CCDC149: variants seen among roughly 807,000 people sequenced by gnomAD.
CCDC149 encodes the protein coiled-coil domain-containing protein 149.
CCDC149 carries 45 observed loss-of-function variants against 59.9 expected under a neutral mutation model. The ratio of observed to expected loss-of-function variants is 0.75; its 90% CI spans 0.59 to 0.96. CCDC149 has a LOEUF of 0.96. Among genes scored for constraint, CCDC149 ranks in the 40% least tolerant of loss-of-function variants. The pLI is 0.00. For synonymous variants in CCDC149, 245 were observed against 260.6 expected, an observed-to-expected ratio of 0.94 and a Z score of 0.58; for missense variants, 584 against 664.7, an observed-to-expected ratio of 0.88 and a Z score of 1.33.
At chr4:24,820,944 A>C (rs1200739277) in intron 11 of CCDC149, 111 bp downstream of exon 11, 1 of 519,542 alleles carries the variant, frequency 1.9e-6, no homozygotes, top group Non-Finnish European at 3.0e-6. Context: ...TATTCTAATC[A>C]GAGAAGTTCA....
At chr4:24,915,462 A>C (rs1399909549), upstream of CCDC149, among the ~76,000 whole-genome samples, 1 of 152,242 alleles carries the variant, frequency 6.6e-6, no homozygotes, top group Non-Finnish European at 1.5e-5. Context: ...TATTTCAGGC[A>C]GCAGGACAGA....
intron 3 of CCDC149, among the ~76,000 whole-genome samples, chr4:24,872,648 C>T (rs1027918255): frequency 7.3e-5 from 11 of 151,098 alleles, no homozygotes; most frequent in African/African-American, 2.7e-4. Context: ...ATGGTATGCA[C>T]CCACAGAATG....
chr4:24,825,691 T>C (rs570495445), intron 9 of CCDC149, among the ~76,000 whole-genome samples: 1 of 150,752 alleles, frequency 6.6e-6, no homozygotes, highest in African/African-American at 2.4e-5. Context: ...GAGAATGGCG[T>C]GAACCCAGGA....
rs972210850 is a variant in CCDC149 at position 24,831,703 on chromosome 4, A to C, written c.821-53T>G. 14 of 1,504,440 alleles carry C rather than the reference A, an allele frequency of 9.3e-6. No individual in the cohort carries two copies. The East Asian group carries it at 3.2e-4, about 34-fold the overall frequency. The allele number at this position is 1,504,440 out of a possible 1,614,324, so 93.2% of individuals were successfully genotyped here. On this transcript the variant is annotated intron_variant, in intron 8 of 12. Coordinates refer to ENST00000635206, the MANE Select transcript of CCDC149 (RefSeq NM_001330643.2). ...AGTCGTCATTCTTCTGAAACGCTGG[A>C]ATGCAAACCAATGTCAATCCTTCTT...
chr4:24,926,999 G>T (rs561723585), intron 1 of CCDC149, among the ~76,000 whole-genome samples: 1 of 152,284 alleles, frequency 6.6e-6, no homozygotes, highest in African/African-American at 2.4e-5. Context: ...AAGTGGCATT[G>T]CCCTTAAGAC....
chr4:24,966,288 T>C (rs542239353), intron 1 of CCDC149, among the ~76,000 whole-genome samples: 1 of 152,172 alleles, frequency 6.6e-6, no homozygotes, highest in African/African-American at 2.4e-5. Flanking sequence ...GTGCAAGTCA[T>C]CCAGGAAATG....
intron 9 of CCDC149, among the ~76,000 whole-genome samples, chr4:24,826,512 G>C (rs935627972): frequency 6.6e-6 from 1 of 152,156 alleles, no homozygotes; most frequent in Non-Finnish European, 1.5e-5. Context: ...ACGGATGCAG[G>C]AAGAAAGGCA....
chr4:24,942,028 G>T (rs368041418), intron 1 of CCDC149, among the ~76,000 whole-genome samples: 2 of 152,120 alleles, frequency 1.3e-5, no homozygotes, highest in African/African-American at 4.8e-5. Flanking sequence ...AAGAGGGAAT[G>T]CTCCCTAACT....
At chr4:24,877,255 G>A (rs748488883) in intron 1 of CCDC149, among the ~76,000 whole-genome samples, 8 of 151,870 alleles carry the variant, frequency 5.3e-5, no homozygotes, top group African/African-American at 9.7e-5. Context: ...ATGTGATCTC[G>A]GCTTACTGCA....
chr4:24,918,965 T>C (rs1337183809), intron 1 of CCDC149, among the ~76,000 whole-genome samples: 1 of 152,200 alleles, frequency 6.6e-6, no homozygotes, highest in African/African-American at 2.4e-5. Flanking sequence ...CAAGTAAACA[T>C]GATTTCTAGA....
rs187875849 is a variant in CCDC149, at chr4:24,815,231, G to A, written c.1192+4628C>T. 5.9e-3 allele frequency among the ~76,000 whole-genome samples: 900 copies of A among 152,250 alleles called. 3 individuals carry two copies. The highest frequency in any genetic ancestry group is 8.2e-3 in the Non-Finnish European group (558 of 68,008). ...GGTATTCATTTAAGGTTGTATTCAG[G>A]TTGCTACTCTAAAAGTTCTTAAAAT... On this transcript the variant is annotated intron_variant, in intron 12 of 12. Transcript: ENST00000635206.
At chr4:24,940,492 G>A (rs1201731288) in intron 1 of CCDC149, among the ~76,000 whole-genome samples, 2 of 152,088 alleles carry the variant, frequency 1.3e-5, no homozygotes, top group Non-Finnish European at 2.9e-5. Context: ...ATCAACTAAC[G>A]AGCAAAATAA....
At chr4:24,958,252 A>T (rs937293242) in intron 1 of CCDC149, among the ~76,000 whole-genome samples, 8 of 152,340 alleles carry the variant, frequency 5.3e-5, no homozygotes, top group African/African-American at 1.9e-4. Flanking sequence ...AACTAGCCAC[A>T]TTGAAGCAAA....
rs998536095 is a variant in CCDC149, at chr4:24,873,623, T to C, written c.264+58A>G. On this transcript the variant is annotated intron_variant, in intron 3 of 12. Coordinates refer to ENST00000635206, the MANE Select transcript of CCDC149 (RefSeq NM_001330643.2). ...TTCTCTACATTTTGAGATTCCCTGATCCTCCCAATTGCTGCTAGGTATCAA... is the reference window on the plus strand; with the variant it reads ...TTCTCTACATTTTGAGATTCCCTGACCCTCCCAATTGCTGCTAGGTATCAA... The C allele has an allele frequency of 1.5e-4, 161 of 1,107,412 alleles. No individual in the cohort carries two copies. Among genetic ancestry groups the C allele is most frequent in the Middle Eastern group, 8.4e-4 (4 of 4,778 alleles). The allele number at this position is 1,107,412 out of a possible 1,614,324, so 68.6% of individuals were successfully genotyped here. A position where few individuals can be genotyped will look rare whatever the true frequency, so the allele number is the denominator to read the frequency against.
Position 24,853,082 on chromosome 4 carries a change from C to T in CCDC149, c.362G>A (p.Gly121Asp). 6.2e-7 allele frequency: 1 copy of T among 1,609,746 alleles called. No homozygotes were observed. Among genetic ancestry groups the T allele is most frequent in the Non-Finnish European group, 8.5e-7 (1 of 1,176,044 alleles). The change falls in exon 4 of 13, where the codon GGC (glycine) becomes GAC (aspartate). Residue 121 changes from glycine (G) to aspartate (D), a missense_variant. By Grantham distance (94) the Gly-to-Asp change is moderately conservative. Transcript: ENST00000635206. ...AAATACTCACAGTACCTTGTTGTCG[C>T]CCTGGACTTCTCCAAGCCTTTGCTG...
chr4:24,869,792 G>A (rs911675365), intron 3 of CCDC149, among the ~76,000 whole-genome samples: 3 of 152,292 alleles, frequency 2.0e-5, no homozygotes, highest in South Asian at 2.1e-4. Flanking sequence ...TGAGAACATT[G>A]AGACTCAAGA....
intron 12 of CCDC149, among the ~76,000 whole-genome samples, chr4:24,817,086 C>T (rs1715064946): frequency 6.6e-6 from 1 of 152,184 alleles, no homozygotes; most frequent in Non-Finnish European, 1.5e-5. Context: ...TGATGCAACT[C>T]TGGAAGCTAT....
intron 1 of CCDC149, among the ~76,000 whole-genome samples, chr4:24,971,682 G>T (rs976649521): frequency 3.9e-5 from 6 of 152,140 alleles, no homozygotes; most frequent in Non-Finnish European, 8.8e-5. Flanking sequence ...CTTCCTCTTG[G>T]CAAGGACATT....
At chr4:24,880,212 T>C (rs1022781954) in intron 1 of CCDC149, among the ~76,000 whole-genome samples, 1 of 152,246 alleles carries the variant, frequency 6.6e-6, no homozygotes, top group Non-Finnish European at 1.5e-5. Flanking sequence ...TACACAAATA[T>C]GTATCATTGT....
Sources: gnomAD v4.1 joint callset for allele counts (sites outside exome capture counted in the v4.1 genomes callset) on GRCh38, gnomAD v4.1.1 for gene constraint, MANE v1.5 for transcripts, NCBI Gene and HGNC (gene_info 2026-07-23, HGNC 2026-07-21) for gene names.